MEI1: variants seen among roughly 807,000 people sequenced by gnomAD.
The protein encoded by MEI1 is meiosis inhibitor protein 1.
Under a neutral mutation model 146.2 loss-of-function variants are expected in MEI1, and 103 were observed. That is an observed-to-expected ratio of 0.70 (90% CI 0.60 to 0.83). The LOEUF is 0.83. MEI1 is among the 40% of genes least tolerant of loss of function. The pLI is 0.00. For synonymous variants in MEI1, 652 were observed against 628.2 expected, an observed-to-expected ratio of 1.04 and a Z score of -0.57; for missense variants, 1,529 against 1,533.0, an observed-to-expected ratio of 1.00 and a Z score of 0.04.
chr22:41,710,486 G>A (rs891372091), intron 3 of MEI1, among the ~76,000 whole-genome samples: 5 of 152,102 alleles, frequency 3.3e-5, no homozygotes, highest in African/African-American at 7.2e-5. Flanking sequence ...GTTGATCACC[G>A]CATCAAAATA....
chr22:41,761,008 A>G (rs1330003936), intron 18 of MEI1, among the ~76,000 whole-genome samples: 1 of 152,060 alleles, frequency 6.6e-6, no homozygotes, highest in Non-Finnish European at 1.5e-5. Context: ...ATAAAACAAT[A>G]TGAGAGGGTC....
At chr22:41,725,353 CCG>C (rs1167554109) in intron 7 of MEI1, among the ~76,000 whole-genome samples, 1 of 152,022 alleles carries the variant, frequency 6.6e-6, no homozygotes, top group Non-Finnish European at 1.5e-5. Context: ...ACCTTGTGAT[CCG>C]CCTGCCTCGG....
At chr22:41,711,741 A>T (rs5751141) in intron 3 of MEI1, among the ~76,000 whole-genome samples, 1 of 152,098 alleles carries the variant, frequency 6.6e-6, no homozygotes, top group East Asian at 1.9e-4. Flanking sequence ...CAACCTTACC[A>T]AATCTCTCCT....
chr22:41,758,452 G>A lies in MEI1; in HGVS notation c.2039G>A (p.Arg680His), dbSNP rs1448940976. ...GAAAGCCTTGCCTTCCTGTCTGATC[G>A]CCAGTACATGGAGGGAGCTGCTCGC... ...SPESLAFLSD[R>H]QYMEGAARQR... The change falls in exon 18 of 31, where the codon CGC becomes CAC. Residue 680 changes from arginine (R) to histidine (H), a missense_variant. By Grantham distance (29) the Arg-to-His change is conservative. Coordinates refer to ENST00000401548, the MANE Select transcript of MEI1 (RefSeq NM_152513.4). 4.3e-6 allele frequency: 7 copies of A among 1,613,856 alleles called. No individual in the cohort carries two copies. The highest frequency in any genetic ancestry group is 5.9e-6 in the Non-Finnish European group (7 of 1,179,860).
At chr22:41,706,607 G>A (rs565484460) in intron 3 of MEI1, among the ~76,000 whole-genome samples, 12 of 152,168 alleles carry the variant, frequency 7.9e-5, no homozygotes, top group African/African-American at 2.7e-4. Context: ...CTAGCTACTC[G>A]GGAGGCTGAG....
Position 41,795,982 on chromosome 22 carries a change from G to GT in MEI1, c.3779+136dup. 1 of 1,611,482 alleles carries GT rather than the reference G, an allele frequency of 6.2e-7. No homozygotes were observed. The highest frequency in any genetic ancestry group is 8.5e-7 in the Non-Finnish European group (1 of 1,179,356). On this transcript the variant is annotated intron_variant, in intron 30 of 30. Transcript: ENST00000401548. The surrounding 1 kb of genome is among the most constrained non-coding windows in gnomAD (Gnocchi z 4.2). ...GAAGAGGTGGGTGATGTTCTGCAAG[G>GT]TGTGGCTTTGGCTGACCTGTCTTGG...
intron 7 of MEI1, among the ~76,000 whole-genome samples, chr22:41,726,649 C>T (rs2071383561): frequency 6.6e-6 from 1 of 152,102 alleles, no homozygotes; most frequent in South Asian, 2.1e-4. Flanking sequence ...AATGGTGCAT[C>T]ATAGTTTAAT....
intron 9 of MEI1, among the ~76,000 whole-genome samples, chr22:41,730,870 G>C (rs554734752): frequency 6.6e-5 from 10 of 152,102 alleles, no homozygotes; most frequent in Non-Finnish European, 1.2e-4. Context: ...GCAAGGGAAG[G>C]ACACTTCTTT....
chr22:41,727,606 G>A (rs1013951928), intron 7 of MEI1, among the ~76,000 whole-genome samples: 2 of 43,674 alleles, frequency 4.6e-5, no homozygotes, highest in African/African-American at 5.6e-4. Context: ...CTTGCTAAAG[G>A]TTCCCAAAGA....
chr22:41,710,891 C>A (rs1445265777), intron 3 of MEI1, among the ~76,000 whole-genome samples: 1 of 152,158 alleles, frequency 6.6e-6, no homozygotes, highest in Non-Finnish European at 1.5e-5. Context: ...TCAATTTAGC[C>A]TTGACAAGGG....
intron 26 of MEI1, among the ~76,000 whole-genome samples, chr22:41,791,890 G>A (rs984731873): frequency 6.6e-6 from 1 of 152,224 alleles, no homozygotes; most frequent in East Asian, 1.9e-4. Flanking sequence ...AGATACAAAA[G>A]AGCACATATT....
intron 3 of MEI1, chr22:41,709,359 CT>C: frequency 1.1e-5 from 8 of 734,636 alleles, no homozygotes; most frequent in Non-Finnish European, 1.0e-5. Flanking sequence ...TTGCAGGGGC[CT>C]TTTTAGGCTT....
chr22:41,764,010 G>GATCGCTGT (rs1282381904), intron 19 of MEI1, among the ~76,000 whole-genome samples: 3 of 140,874 alleles, frequency 2.1e-5, no homozygotes, highest in African/African-American at 7.9e-5. Context: ...GCAGTGGCAG[G>GATCGCTGT]ATCGCTGTGG....
chr22:41,707,028 CA>C (rs59421678), intron 3 of MEI1, among the ~76,000 whole-genome samples: 1,408 of 130,690 alleles, frequency 0.011, 22 homozygotes, highest in African/African-American at 0.039. Context: ...CCATCTCTAC[CA>C]AAAAAAAAAA....
At position 41,724,015 on chromosome 22, in the gene MEI1, G is replaced by A; in HGVS notation, c.806G>A (p.Ser269Asn). The A allele has an allele frequency of 6.2e-7, 1 of 1,613,742 alleles. No individual in the cohort carries two copies. Among genetic ancestry groups the A allele is most frequent in the South Asian group, 1.1e-5 (1 of 91,014 alleles). Reference sequence around the variant, plus strand: ...ATGAACCAGGATGGACTGGGAGAAAGTGCTAAGAATATCGAAGGGTCATCA... The same window carrying A: ...ATGAACCAGGATGGACTGGGAGAAAATGCTAAGAATATCGAAGGGTCATCA... The part of the protein sequence containing the change: ...MIMNQDGLGE[S>N]AKNIEGSSGN... The change falls in exon 7 of 31, where the codon AGT (serine) becomes AAT (asparagine). Residue 269 changes from serine (S) to asparagine (N), a missense_variant. Ser to Asn is a conservative substitution (Grantham distance 46). Coordinates refer to ENST00000401548, the MANE Select transcript of MEI1 (RefSeq NM_152513.4).
intron 26 of MEI1, among the ~76,000 whole-genome samples, chr22:41,791,610 A>G (rs901997995): frequency 6.6e-6 from 1 of 152,210 alleles, no homozygotes; most frequent in Non-Finnish European, 1.5e-5. Context: ...GGCCATCCTC[A>G]TACCCATGAG....
At chr22:41,746,900 A>G (rs5758451) in intron 14 of MEI1, among the ~76,000 whole-genome samples, 1 of 152,158 alleles carries the variant, frequency 6.6e-6, no homozygotes, top group South Asian at 2.1e-4. Flanking sequence ...TGGGCAACTC[A>G]TCGCAGTTTA....
rs150628689 is a variant in MEI1, at chr22:41,755,954, A to G, written c.1951+1908A>G. ...CCTTCAACTGAGGTCCTGTCTTTCA[A>G]TCTCTCATCCACTCACTGCTGGAAG... On this transcript the variant is annotated intron_variant, in intron 17 of 30. Coordinates refer to ENST00000401548, the MANE Select transcript of MEI1 (RefSeq NM_152513.4). 1.1e-4 allele frequency among the ~76,000 whole-genome samples: 17 copies of G among 152,014 alleles called. 1 individual carries two copies. The East Asian group carries it at 1.7e-3, about 16-fold the overall frequency.
chr22:41,770,949 G>C lies in MEI1; in HGVS notation c.2532G>C (p.Leu844=). ...TGCTCAGAAGCATCCCCAGCATCCTGCTCATCTTGCTGGTAGGCAACCACT... is the reference window on the plus strand; with the variant it reads ...TGCTCAGAAGCATCCCCAGCATCCTCCTCATCTTGCTGGTAGGCAACCACT... ...FQLLRSIPSI[L]LILLDLIYSS... Residue 844 remains leucine (L), a synonymous_variant, in exon 20 of 31, where the codon CTG becomes CTC. Transcript: ENST00000401548. 6.2e-7 allele frequency: 1 copy of C among 1,612,862 alleles called. No homozygotes were observed.
Sources: allele counts gnomAD v4.1 joint callset (sites outside exome capture counted in the v4.1 genomes callset), GRCh38; gene constraint gnomAD v4.1.1; non-coding constraint Gnocchi (gnomAD v3.1); transcripts MANE v1.5; gene names NCBI Gene and HGNC (gene_info 2026-07-23, HGNC 2026-07-21).